LUZP2: variants seen among roughly 807,000 people sequenced by gnomAD.
The protein encoded by LUZP2 is leucine zipper protein 2.
LUZP2 carries 52 observed loss-of-function variants against 51.6 expected under a neutral mutation model. The observed-to-expected ratio is 1.01, with a 90% confidence interval of 0.81 to 1.27. LUZP2 has a LOEUF of 1.27. Among genes scored for constraint, LUZP2 ranks in the 50% most tolerant of loss-of-function variants. The probability of loss-of-function intolerance (pLI) is 0.00; values close to 1 mark genes in which losing one functional copy is unlikely to be tolerated. For synonymous variants in LUZP2, 154 were observed against 137.3 expected (o/e 1.12, Z -0.85); for missense variants, 436 against 395.4 (o/e 1.10, Z -0.87).
intron 7 of LUZP2, among the ~76,000 whole-genome samples, chr11:24,934,628 T>A (rs1854542030): frequency 6.6e-6 from 1 of 152,208 alleles, no homozygotes; most frequent in South Asian, 2.1e-4. Context: ...TGTGACATAT[T>A]ACATAAGAAA....
At chr11:24,633,072 G>A (rs1184039345) in intron 1 of LUZP2, among the ~76,000 whole-genome samples, 5 of 152,014 alleles carry the variant, frequency 3.3e-5, no homozygotes, top group Non-Finnish European at 7.4e-5. Context: ...TTGTTTTGAT[G>A]TGAATTGCCT....
At position 24,523,826 on chromosome 11, in the gene LUZP2, G is replaced by A. The variant is rs549799667; in HGVS notation, c.62+26521G>A. ...AAAATACCTTTAATCTTAGGCCTTA[G>A]AGGCAGTGGGGCAATGAAACCTTAG... On this transcript the variant is annotated intron_variant, in intron 1 of 11. Transcript: ENST00000336930. Among the ~76,000 whole-genome samples, 3 of 151,726 alleles carry A rather than the reference G, an allele frequency of 2.0e-5. No individual in the cohort carries two copies. The South Asian group carries it at 6.2e-4, about 32-fold the overall frequency.
intron 5 of LUZP2, among the ~76,000 whole-genome samples, chr11:24,795,958 A>G (rs1459913725): frequency 6.6e-6 from 1 of 152,122 alleles, no homozygotes; most frequent in Non-Finnish European, 1.5e-5. Context: ...CTACTGTCCA[A>G]GAACTTCTCA....
At chr11:24,615,014 G>A (rs531194458) in intron 1 of LUZP2, among the ~76,000 whole-genome samples, 3 of 151,730 alleles carry the variant, frequency 2.0e-5, no homozygotes, top group Non-Finnish European at 1.5e-5. Flanking sequence ...AAGAAAAAAG[G>A]TTGAAATTTC....
chr11:24,554,223 C>T (rs1851802565), intron 1 of LUZP2, among the ~76,000 whole-genome samples: 2 of 152,242 alleles, frequency 1.3e-5, no homozygotes, highest in African/African-American at 4.8e-5. Flanking sequence ...TAAGGAGCTG[C>T]TTTCTTCCCT....
At chr11:24,712,626 G>A (rs555741819) in intron 1 of LUZP2, among the ~76,000 whole-genome samples, 3 of 152,218 alleles carry the variant, frequency 2.0e-5, no homozygotes, top group African/African-American at 4.8e-5. Context: ...AAATATTGAG[G>A]GTGGAGGTTT....
At chr11:24,883,907 A>G (rs968001587) in intron 5 of LUZP2, among the ~76,000 whole-genome samples, 2 of 151,976 alleles carry the variant, frequency 1.3e-5, no homozygotes, top group South Asian at 2.1e-4. Context: ...TCTGTCATGA[A>G]GTGGAAAAAA....
intron 5 of LUZP2, among the ~76,000 whole-genome samples, chr11:24,896,230 C>A (rs1853043072): frequency 6.6e-6 from 1 of 152,218 alleles, no homozygotes; most frequent in Non-Finnish European, 1.5e-5. Flanking sequence ...TGTGGGGGCC[C>A]CTCTGTGGGC....
At chr11:24,963,162 G>C (rs1855469187) in intron 7 of LUZP2, among the ~76,000 whole-genome samples, 2 of 152,198 alleles carry the variant, frequency 1.3e-5, no homozygotes, top group Admixed American at 1.3e-4. Flanking sequence ...TGAAGTGTCA[G>C]TCTGCCCCTA....
intron 5 of LUZP2, among the ~76,000 whole-genome samples, chr11:24,863,789 C>G (rs1851808280): frequency 6.6e-6 from 1 of 152,152 alleles, no homozygotes; most frequent in Non-Finnish European, 1.5e-5. Context: ...ATTCTTCACT[C>G]AACCTCAGCA....
chr11:24,706,676 G>A lies in LUZP2; in HGVS notation c.63-22493G>A, dbSNP rs556602750. 4.6e-5 allele frequency among the ~76,000 whole-genome samples: 7 copies of A among 152,234 alleles called. No homozygotes were observed. The East Asian group carries it at 1.4e-3, about 29-fold the overall frequency. On this transcript the variant is annotated intron_variant, in intron 1 of 11. Transcript: ENST00000336930. ...TGCAAATTGAAATCTCGTTTAAAAT[G>A]TAATACTTTAGGAGCCAGCCTTATT...
intron 10 of LUZP2, among the ~76,000 whole-genome samples, 161 bp downstream of exon 10, chr11:25,050,291 C>CTTTTTTTTTTTTTTTTTTT (rs71044331): frequency 1.3e-5 from 1 of 77,158 alleles, no homozygotes. Flanking sequence ...TCTTTATGTT[C>CTTTTTTTTTTTTTTTTTTT]TTTTTTTTTT....
intron 1 of LUZP2, among the ~76,000 whole-genome samples, chr11:24,567,514 C>T (rs1852285056): frequency 6.6e-6 from 1 of 151,816 alleles, no homozygotes. Context: ...CAAATAGATC[C>T]AAAGCCAGAT....
At chr11:25,012,016 C>T (rs1856998346) in intron 9 of LUZP2, among the ~76,000 whole-genome samples, 1 of 152,070 alleles carries the variant, frequency 6.6e-6, no homozygotes, top group African/African-American at 2.4e-5. Flanking sequence ...AGGCAGCATT[C>T]CCTACCCTTT....
At chr11:25,020,193 A>G (rs565829810) in intron 9 of LUZP2, among the ~76,000 whole-genome samples, 2 of 152,092 alleles carry the variant, frequency 1.3e-5, no homozygotes, top group Non-Finnish European at 2.9e-5. Flanking sequence ...GAGCAATAGC[A>G]AAAAAAGGAT....
chr11:24,705,986 T>C (rs547593846), intron 1 of LUZP2, among the ~76,000 whole-genome samples: 32 of 150,948 alleles, frequency 2.1e-4, no homozygotes, highest in African/African-American at 7.3e-4. Context: ...TTAGAAAGCA[T>C]TGAGTGACAG....
chr11:24,786,335 A>G, intron 5 of LUZP2: 1 of 982,230 alleles, frequency 1.0e-6, no homozygotes, highest in Non-Finnish European at 1.2e-6. Context: ...AAGTAGTCAG[A>G]ATTCATGGGC....
At chr11:24,949,409 A>C (rs1229071704) in intron 7 of LUZP2, among the ~76,000 whole-genome samples, 1 of 151,544 alleles carries the variant, frequency 6.6e-6, no homozygotes, top group African/African-American at 2.4e-5. Context: ...GTATATTTTT[A>C]TTCTCTTCAC....
chr11:24,966,956 A>G lies in LUZP2; in HGVS notation c.523-9635A>G, dbSNP rs746460865. On this transcript the variant is annotated intron_variant, in intron 7 of 11. Transcript: ENST00000336930. ...CAATTGCTTTCTCACTATTTATTAA[A>G]CTTAGTATTTTTAATGCATTGAATT... 2.0e-5 allele frequency among the ~76,000 whole-genome samples: 3 copies of G among 149,870 alleles called. No homozygotes were observed. The South Asian group carries it at 6.2e-4, about 31-fold the overall frequency.
Sources: gnomAD v4.1 joint callset for allele counts (sites outside exome capture counted in the v4.1 genomes callset) on GRCh38, gnomAD v4.1.1 for gene constraint, MANE v1.5 for transcripts, NCBI Gene and HGNC (gene_info 2026-07-23, HGNC 2026-07-21) for gene names.